The following PBX4 variants were observed in gnomAD, a reference collection of about 807,000 sequenced individuals.
PBX4 encodes the protein pre-B-cell leukemia transcription factor 4.
PBX4 carries 26 observed loss-of-function variants against 35.1 expected under a neutral mutation model. The ratio of observed to expected loss-of-function variants is 0.74; its 90% CI spans 0.54 to 1.03. The LOEUF (loss-of-function observed/expected upper bound fraction) is 1.03. PBX4 is among the 50% of genes least tolerant of loss of function. The pLI is 0.00. For missense variants in PBX4, 448 were observed against 504.3 expected (o/e 0.89, Z 1.07); for synonymous variants, 199 against 204.2 (o/e 0.97, Z 0.22).
In PBX4 at chr19:19,570,620, T is replaced by G; in HGVS notation, c.407A>C (p.Gln136Pro). 6.2e-7 allele frequency: 1 copy of G among 1,614,236 alleles called. No individual in the cohort carries two copies. Among genetic ancestry groups the G allele is most frequent in the Non-Finnish European group, 8.5e-7 (1 of 1,180,046 alleles). The change falls in exon 3 of 8, where the codon CAG becomes CCG. Residue 136 changes from glutamine (Q) to proline (P), a missense_variant. Coordinates refer to ENST00000251203, the MANE Select transcript of PBX4 (RefSeq NM_025245.3). ...TTTCTCTAGCTCAGAGTGGTAAATC[T>G]GTCGGATCTGGGACAGCTTGGCCCT... The part of the protein sequence containing the change: ...DYRAKLSQIR[Q>P]IYHSELEKYE...
At chr19:19,595,887 A>G (rs1949714128) in intron 2 of PBX4, among the ~76,000 whole-genome samples, 2 of 152,276 alleles carry the variant, frequency 1.3e-5, no homozygotes, top group African/African-American at 4.8e-5. Context: ...AGGAGTCACA[A>G]ACCTGGGAAG....
intron 2 of PBX4, among the ~76,000 whole-genome samples, chr19:19,589,657 C>G (rs1393078741): frequency 2.0e-5 from 3 of 151,768 alleles, no homozygotes; most frequent in South Asian, 2.1e-4. Context: ...GTAATCCCAG[C>G]TACTTGGGAG....
chr19:19,563,674 C>T lies in PBX4; in HGVS notation c.926-59G>A, dbSNP rs989812071. ...GTGGCGCCTCCTCAGGTGGAACCCA[C>T]CCAGCCCCTCAGCCGGCAGGAGGCC... On this transcript the variant is annotated intron_variant, in intron 6 of 7. Transcript: ENST00000251203. The surrounding 1 kb of genome is among the most constrained non-coding windows in gnomAD (Gnocchi z 5.1). 5 of 1,409,292 alleles carry T rather than the reference C, an allele frequency of 3.5e-6. No homozygotes were observed. The Admixed American group carries it at 9.9e-5, about 28-fold the overall frequency. The allele number at this position is 1,409,292 out of a possible 1,614,324, so 87.3% of individuals were successfully genotyped here. A position where few individuals can be genotyped will look rare whatever the true frequency, so the allele number is the denominator to read the frequency against.
At chr19:19,567,681 G>A (rs1038281163) in intron 5 of PBX4, among the ~76,000 whole-genome samples, 14 of 152,140 alleles carry the variant, frequency 9.2e-5, no homozygotes, top group Non-Finnish European at 1.9e-4. Flanking sequence ...TAAAACCTTC[G>A]GAAATATTTC....
intron 2 of PBX4, among the ~76,000 whole-genome samples, chr19:19,592,774 T>C (rs558877017): frequency 6.6e-6 from 1 of 152,290 alleles, no homozygotes; most frequent in Admixed American, 6.5e-5. Context: ...ACATAGCGCA[T>C]CCTAGACCCT....
intron 1 of PBX4, among the ~76,000 whole-genome samples, chr19:19,609,794 T>G (rs2061653206): frequency 6.6e-6 from 1 of 151,944 alleles, no homozygotes; most frequent in Non-Finnish European, 1.5e-5. Flanking sequence ...GAGCTTGCAG[T>G]GAGCCGAGAT....
chr19:19,592,383 G>A (rs912310056), intron 2 of PBX4, among the ~76,000 whole-genome samples: 2 of 152,186 alleles, frequency 1.3e-5, no homozygotes, highest in Non-Finnish European at 2.9e-5. Context: ...GGGTTTGGGA[G>A]GAAATGCATA....
In PBX4 at chr19:19,588,524, G is replaced by T. The variant is rs951644157; in HGVS notation, c.193+10768C>A. ...GAACTCCTGACCTCGTGATCTACCC[G>T]CCTCACCCTCCGAAAGTGCTGGCAT... On this transcript the variant is annotated intron_variant, in intron 2 of 7. Transcript: ENST00000251203. 469 of 514,138 alleles carry T rather than the reference G, an allele frequency of 9.1e-4. 6 individuals are homozygous for T. Among genetic ancestry groups the T allele is most frequent in the South Asian group, 5.0e-3 (291 of 57,718 alleles). The allele number at this position is 514,138 out of a possible 1,614,324, so 31.8% of individuals were successfully genotyped here. A position where few individuals can be genotyped will look rare whatever the true frequency, so the allele number is the denominator to read the frequency against.
chr19:19,587,074 G>T (rs1211880294), intron 2 of PBX4, among the ~76,000 whole-genome samples: 1 of 151,804 alleles, frequency 6.6e-6, no homozygotes, highest in East Asian at 2.0e-4. Flanking sequence ...GCACAATCTT[G>T]GCTCACTGCA....
chr19:19,591,609 C>T (rs2061528761), intron 2 of PBX4, among the ~76,000 whole-genome samples: 1 of 152,188 alleles, frequency 6.6e-6, no homozygotes, highest in African/African-American at 2.4e-5. Context: ...CAAGAACGGC[C>T]CAGGATGGGA....
rs140225945 is a variant in PBX4, at chr19:19,570,751, G to A, written c.276C>T (p.Gly92=). 9.7e-5 allele frequency: 156 copies of A among 1,613,944 alleles called. No individual in the cohort carries two copies. Among genetic ancestry groups the A allele is most frequent in the African/African-American group, 4.7e-4 (35 of 74,904 alleles). The change falls in exon 3 of 8, where the codon GGC becomes GGT. Residue 92 remains glycine, a synonymous_variant. Transcript: ENST00000251203. ...TTCCTCTCTTCTCGGGCCTGCACAC[G>A]CCCTCAGCCAGCAGCATGTTATCCA... ...LRLDNMLLAE[G]VCRPEKRGRG... is the part of the protein sequence containing the mutation.
At chr19:19,607,852 A>G (rs2061640188) in intron 1 of PBX4, among the ~76,000 whole-genome samples, 1 of 152,214 alleles carries the variant, frequency 6.6e-6, no homozygotes, top group Admixed American at 6.5e-5. Flanking sequence ...TTCAGTCCCT[A>G]TGGAATAGAA....
intron 1 of PBX4, among the ~76,000 whole-genome samples, chr19:19,613,840 G>A (rs1055206746): frequency 6.6e-6 from 1 of 152,034 alleles, no homozygotes; most frequent in Non-Finnish European, 1.5e-5. Context: ...ACTGCTCTCC[G>A]ACTAGCCTAA....
In PBX4 at chr19:19,609,549, G is replaced by GAAAAAAA. The variant is rs11300224; in HGVS notation, c.119+8955_119+8961dup. Among the ~76,000 whole-genome samples, 9 of 85,034 alleles carry GAAAAAAA rather than the reference G, an allele frequency of 1.1e-4. No homozygotes were observed. In the East Asian group the frequency reaches 2.2e-3, roughly 21 times the overall value. The allele number at this position is 85,034 out of a possible 152,430, so 55.8% of individuals were successfully genotyped here. A position where few individuals can be genotyped will look rare whatever the true frequency, so the allele number is the denominator to read the frequency against. On this transcript the variant is annotated intron_variant, in intron 1 of 7. Coordinates refer to ENST00000251203, the MANE Select transcript of PBX4 (RefSeq NM_025245.3). Reference sequence around the variant, plus strand: ...GGGCAACAAGAGCAAAAATCCATATGAAAAAAAAAAAAAAAAAAGAGCCAG... The same window carrying GAAAAAAA: ...GGGCAACAAGAGCAAAAATCCATATGAAAAAAAAAAAAAAAAAAAAAAAAAGAGCCAG...
chr19:19,591,103 C>G (rs1345973404), intron 2 of PBX4, among the ~76,000 whole-genome samples: 1 of 152,164 alleles, frequency 6.6e-6, no homozygotes, highest in African/African-American at 2.4e-5. Context: ...GGAAAGGATA[C>G]TCCAATCAAC....
At chr19:19,583,013 T>C (rs1181088136) in intron 2 of PBX4, among the ~76,000 whole-genome samples, 4 of 152,240 alleles carry the variant, frequency 2.6e-5, no homozygotes, top group Admixed American at 6.5e-5. Flanking sequence ...TCATGAACTC[T>C]TTCCCAGCAA....
chr19:19,563,427 G>T lies in PBX4; in HGVS notation c.1032+82C>A. ...GGGACCTCTGGGGAAGCTGCCCCAA[G>T]GCCGAGGGGTGGCTGACAAGACGAC... On this transcript the variant is annotated intron_variant, in intron 7 of 7. Coordinates refer to ENST00000251203, the MANE Select transcript of PBX4 (RefSeq NM_025245.3). The surrounding 1 kb of genome is among the most constrained non-coding windows in gnomAD (Gnocchi z 5.1). 1 of 1,177,386 alleles carries T rather than the reference G, an allele frequency of 8.5e-7. No homozygotes were observed. Among genetic ancestry groups the T allele is most frequent in the Non-Finnish European group, 1.2e-6 (1 of 844,714 alleles). The allele number at this position is 1,177,386 out of a possible 1,614,324, so 72.9% of individuals were successfully genotyped here.
At position 19,563,961 on chromosome 19, in the gene PBX4, C is replaced by A. The variant is rs2061324842; in HGVS notation, c.926-346G>T. 2.5e-5 allele frequency: 5 copies of A among 197,138 alleles called. No homozygotes were observed. In the South Asian group the frequency reaches 4.3e-4, roughly 17 times the overall value. The allele number at this position is 197,138 out of a possible 1,614,324, so 12.2% of individuals were successfully genotyped here. Reference sequence around the variant, plus strand: ...TAGCTGGGACTACAGGCGCCCACCACCACGCCCAGATAATTTGTTTTTTCT... The same window carrying A: ...TAGCTGGGACTACAGGCGCCCACCAACACGCCCAGATAATTTGTTTTTTCT... On this transcript the variant is annotated intron_variant, in intron 6 of 7. Coordinates refer to ENST00000251203, the MANE Select transcript of PBX4 (RefSeq NM_025245.3). The surrounding 1 kb of genome is among the most constrained non-coding windows in gnomAD (Gnocchi z 5.1).
intron 5 of PBX4, among the ~76,000 whole-genome samples, chr19:19,567,408 G>A (rs970537471): frequency 6.6e-6 from 1 of 152,200 alleles, no homozygotes. Context: ...ACTGGACTTA[G>A]CCTGGGTTGG....
Sources: allele counts gnomAD v4.1 joint callset (sites outside exome capture counted in the v4.1 genomes callset), GRCh38; gene constraint gnomAD v4.1.1; non-coding constraint Gnocchi (gnomAD v3.1); transcripts MANE v1.5; gene names NCBI Gene and HGNC (gene_info 2026-07-23, HGNC 2026-07-21).